RDX: variants seen among roughly 807,000 people sequenced by gnomAD.
The protein encoded by RDX is deafness, autosomal recessive 24.
RDX carries 32 observed loss-of-function variants against 83.7 expected under a neutral mutation model. The ratio of observed to expected loss-of-function variants is 0.38; its 90% CI spans 0.29 to 0.51. RDX has a LOEUF of 0.51. Among genes scored for constraint, RDX ranks in the 20% least tolerant of loss-of-function variants. RDX has a pLI of 0.87. For missense variants in RDX, 600 were observed against 689.9 expected (o/e 0.87, Z 1.46); for synonymous variants, 229 against 222.7 (o/e 1.03, Z -0.25).
intron 1 of RDX, among the ~76,000 whole-genome samples, chr11:110,280,556 T>A (rs1860718739): frequency 6.6e-6 from 1 of 152,274 alleles, no homozygotes; most frequent in South Asian, 2.1e-4. Context: ...GCTTATTTTT[T>A]CTTCTTGTAA....
At chr11:110,289,737 C>T (rs978103389) in intron 1 of RDX, among the ~76,000 whole-genome samples, 6 of 150,846 alleles carry the variant, frequency 4.0e-5, no homozygotes, top group South Asian at 4.2e-4. Context: ...GCCAACACGG[C>T]GAAACTCCGT....
At chr11:110,272,014 CTATGTG>C (rs770135485) in intron 3 of RDX, among the ~76,000 whole-genome samples, 14 of 152,312 alleles carry the variant, frequency 9.2e-5, no homozygotes, top group African/African-American at 2.4e-4. Context: ...TACCTTCAGC[CTATGTG>C]TATAAGTTGT....
chr11:110,215,281 T>G (rs886514710), intron 14 of RDX, among the ~76,000 whole-genome samples: 1 of 150,150 alleles, frequency 6.7e-6, no homozygotes, highest in African/African-American at 2.4e-5. Context: ...GAGAATGGCA[T>G]GAACCCGGGA....
At chr11:110,190,499 A>T (rs1480462008) in intron 15 of RDX, among the ~76,000 whole-genome samples, 1 of 152,204 alleles carries the variant, frequency 6.6e-6, no homozygotes, top group Non-Finnish European at 1.5e-5. Flanking sequence ...GAAGATGGAA[A>T]TATCTCAAAT....
chr11:110,264,910 G>T, intron 3 of RDX, 36 bp from the exon 4 acceptor site: 1 of 1,461,222 alleles, frequency 6.8e-7, no homozygotes. Context: ...CACAATTTCA[G>T]TCCAACATAC....
intron 14 of RDX, among the ~76,000 whole-genome samples, chr11:110,205,636 C>T (rs1863576329): frequency 6.6e-6 from 1 of 151,582 alleles, no homozygotes; most frequent in Non-Finnish European, 1.5e-5. Context: ...ACATGAAAGG[C>T]CTTTAAAGAA....
intron 10 of RDX, among the ~76,000 whole-genome samples, chr11:110,238,411 T>C (rs566770723): frequency 1.3e-5 from 2 of 152,340 alleles, no homozygotes; most frequent in East Asian, 1.9e-4. Flanking sequence ...ACTTTAAATA[T>C]TATTTTGACA....
intron 9 of RDX, among the ~76,000 whole-genome samples, chr11:110,250,933 C>G (rs1859311400): frequency 6.6e-6 from 1 of 152,136 alleles, no homozygotes; most frequent in Non-Finnish European, 1.5e-5. Flanking sequence ...CCTGTCTTGT[C>G]TCCTTTATGA....
chr11:110,254,435 T>C (rs1206680844), intron 8 of RDX, among the ~76,000 whole-genome samples: 6 of 152,150 alleles, frequency 3.9e-5, no homozygotes, highest in Non-Finnish European at 5.9e-5. Flanking sequence ...AATGTCAAAA[T>C]TGGTTCTTCG....
rs568975215 is a variant in RDX at position 110,257,749 on chromosome 11, T to C, written c.698+18A>G. The C allele has an allele frequency of 8.1e-6, 13 of 1,610,892 alleles. No homozygotes were observed. Among genetic ancestry groups the C allele is most frequent in the South Asian group, 6.6e-5 (6 of 90,964 alleles). ...CCACTGAACAATGACTAGTTCACTA[T>C]GCAACTAATTTACTTACTTGTCGTC... is the stretch of plus-strand genomic sequence containing the variant. On this transcript the variant is annotated intron_variant, in intron 7 of 13. Coordinates refer to ENST00000645495, the MANE Select transcript of RDX (RefSeq NM_002906.4).
intron 1 of RDX, among the ~76,000 whole-genome samples, chr11:110,280,930 C>T (rs541342924): frequency 3.8e-4 from 58 of 152,164 alleles, no homozygotes; most frequent in African/African-American, 1.3e-3. Flanking sequence ...TTTGGGAGGC[C>T]GGGGCGGGAG....
intron 3 of RDX, among the ~76,000 whole-genome samples, chr11:110,269,574 C>A (rs1860210761): frequency 1.3e-5 from 2 of 152,156 alleles, no homozygotes; most frequent in South Asian, 4.2e-4. Context: ...CCTGAACCTG[C>A]CAGCTTATCC....
At chr11:110,236,286 T>G in intron 11 of RDX, 95 bp from the exon 12 acceptor site, 1 of 896,804 alleles carries the variant, frequency 1.1e-6, no homozygotes, top group Non-Finnish European at 1.8e-6. Context: ...AGGCTGTTTA[T>G]GTTTTTCTTA....
chr11:110,208,215 GACAAAGAATTGC>G (rs1222811213), intron 14 of RDX, among the ~76,000 whole-genome samples: 5 of 152,102 alleles, frequency 3.3e-5, no homozygotes. Flanking sequence ...TCTAATAAAT[GACAAAGAATTGC>G]ACAAAGAATT....
At chr11:110,224,636 A>C (rs945307910), downstream of RDX, among the ~76,000 whole-genome samples, 1 of 152,272 alleles carries the variant, frequency 6.6e-6, no homozygotes, top group African/African-American at 2.4e-5. Context: ...ATTCCCAAAA[A>C]GTCATGGATA....
chr11:110,227,606 A>G (rs1864475254), downstream of RDX, among the ~76,000 whole-genome samples: 1 of 152,166 alleles, frequency 6.6e-6, no homozygotes, highest in South Asian at 2.1e-4. Flanking sequence ...TGATATTGTA[A>G]TAGATAAATG....
intron 14 of RDX, among the ~76,000 whole-genome samples, chr11:110,200,600 G>C (rs1863367544): frequency 6.6e-6 from 1 of 152,182 alleles, no homozygotes; most frequent in African/African-American, 2.4e-5. Context: ...GTTTCCCATG[G>C]AAACCACGTC....
At chr11:110,207,250 A>G (rs1863639251) in intron 14 of RDX, among the ~76,000 whole-genome samples, 1 of 152,160 alleles carries the variant, frequency 6.6e-6, no homozygotes, top group Non-Finnish European at 1.5e-5. Flanking sequence ...CTGGGATTAC[A>G]GGCCTGAGCC....
chr11:110,242,973 G>A (rs1865160170), intron 10 of RDX, among the ~76,000 whole-genome samples: 1 of 151,858 alleles, frequency 6.6e-6, no homozygotes, highest in Non-Finnish European at 1.5e-5. Context: ...GAGCTGAATA[G>A]CTGGGACAGA....
Sources: allele counts gnomAD v4.1 joint callset (sites outside exome capture counted in the v4.1 genomes callset), GRCh38; gene constraint gnomAD v4.1.1; transcripts MANE v1.5; gene names NCBI Gene and HGNC (gene_info 2026-07-23, HGNC 2026-07-21).